Variants in RUFY1 observed in about 807,000 individuals in gnomAD.
RUFY1 encodes the protein RUN and FYVE domain-containing protein 1.
Under a neutral mutation model 94.6 loss-of-function variants are expected in RUFY1, and 54 were observed. That is an observed-to-expected ratio of 0.57 (90% CI 0.46 to 0.72). The LOEUF (loss-of-function observed/expected upper bound fraction) is 0.72, where lower values mean the gene tolerates loss of function less well. Among genes scored for constraint, RUFY1 ranks in the 30% least tolerant of loss-of-function variants. The pLI is 0.00. For missense variants in RUFY1, 883 were observed against 883.9 expected (o/e 1.00, Z 0.01); for synonymous variants, 396 against 347.3 (o/e 1.14, Z -1.56).
At chr5:179,572,598 G>C in intron 5 of RUFY1, 1 of 226,748 alleles carries the variant, frequency 4.4e-6, no homozygotes, top group East Asian at 1.2e-4. Context: ...CCTCTGGGGT[G>C]CTCCATGGAT....
At chr5:179,565,606 G>C (rs202063174) in intron 3 of RUFY1, among the ~76,000 whole-genome samples, 1 of 56,116 alleles carries the variant, frequency 1.8e-5, no homozygotes, top group African/African-American at 5.6e-5. Context: ...AAATCTCTTT[G>C]TGTATCGAAT....
intron 9 of RUFY1, 73 bp downstream of exon 9, chr5:179,589,720 G>T: frequency 8.7e-7 from 1 of 1,150,246 alleles, no homozygotes. Context: ...CAAGCTCATG[G>T]CTTAACAACA....
intron 5 of RUFY1, among the ~76,000 whole-genome samples, chr5:179,571,486 A>G (rs1763220124): frequency 6.7e-6 from 1 of 149,806 alleles, no homozygotes; most frequent in Non-Finnish European, 1.5e-5. Flanking sequence ...TCTGGGCAAC[A>G]GAGCCAGACT....
intron 14 of RUFY1, chr5:179,600,064 G>C (rs926807880): frequency 6.6e-6 from 1 of 152,208 alleles, no homozygotes; most frequent in Non-Finnish European, 1.5e-5. Context: ...GCCTCATCAC[G>C]GGGCATACCT....
At chr5:179,602,389 G>A in intron 15 of RUFY1, 1 of 170,524 alleles carries the variant, frequency 5.9e-6, no homozygotes. Flanking sequence ...GCCTTGCACA[G>A]CACAGCCCCC....
chr5:179,609,342 G>T (rs376704432), intron 17 of RUFY1, 34 bp from the exon 18 acceptor site: 5 of 1,605,604 alleles, frequency 3.1e-6, no homozygotes, highest in Non-Finnish European at 4.3e-6. Flanking sequence ...CTTTTCCCCG[G>T]GTGTCCTGTG....
intron 15 of RUFY1, among the ~76,000 whole-genome samples, chr5:179,604,983 CAAA>C (rs199950744): frequency 8.1e-6 from 1 of 123,354 alleles, no homozygotes; most frequent in Non-Finnish European, 1.7e-5. Flanking sequence ...GACTCCATCT[CAAA>C]AAAAAAAAAG....
At chr5:179,601,817 CAAAAAAAAAAAAAA>C (rs56169514) in intron 14 of RUFY1, 61 bp from the exon 15 acceptor site, 429 of 519,234 alleles carry the variant, frequency 8.3e-4, no homozygotes, top group Middle Eastern at 2.6e-3. Flanking sequence ...GACCCTGTCT[CAAAAAAAAAAAAAA>C]AAAAAAAAAA....
At chr5:179,576,827 AAAACT>A (rs869220986) in intron 5 of RUFY1, among the ~76,000 whole-genome samples, 26 of 152,278 alleles carry the variant, frequency 1.7e-4, no homozygotes, top group African/African-American at 5.1e-4. Context: ...GAATAAACAG[AAAACT>A]AAACTAGGTC....
At position 179,609,500 on chromosome 5, in the gene RUFY1, G is replaced by T. The variant is rs1767504701; in HGVS notation, c.2108G>T (p.Cys703Phe). 1.2e-6 allele frequency: 2 copies of T among 1,606,246 alleles called. No homozygotes were observed. Among genetic ancestry groups the T allele is most frequent in the Non-Finnish European group, 1.7e-6 (2 of 1,178,722 alleles). Residue 703 changes from cysteine to phenylalanine, a missense_variant, in exon 18 of 18, where the codon TGC (cysteine) becomes TTC (phenylalanine). Cys to Phe is a radical substitution (Grantham distance 205, BLOSUM62 -2). Transcript: ENST00000319449. ...DSCHTLLLQRCSSTAS is the reference protein window; with the variant it reads ...DSCHTLLLQRFSSTAS ...TGCCACACCCTGCTCCTGCAGCGCT[G>T]CTCCTCCACGGCCTCCTGAACGTCC... is the stretch of plus-strand genomic sequence containing the variant.
intron 6 of RUFY1, among the ~76,000 whole-genome samples, chr5:179,577,469 C>A (rs1763714811): frequency 6.6e-6 from 1 of 151,470 alleles, no homozygotes; most frequent in South Asian, 2.1e-4. Flanking sequence ...CCAGCCACGT[C>A]ACATTTTTAA....
chr5:179,553,817 A>G (rs1761977442), intron 1 of RUFY1, among the ~76,000 whole-genome samples: 1 of 152,162 alleles, frequency 6.6e-6, no homozygotes, highest in African/African-American at 2.4e-5. Context: ...AATTTAAGGA[A>G]AGTATTAATA....
At chr5:179,605,487 A>G (rs6894268) in intron 15 of RUFY1, among the ~76,000 whole-genome samples, 95,851 of 152,130 alleles carry the variant, frequency 0.63, 30,574 homozygotes, top group East Asian at 0.81. Context: ...AGCAGAATGG[A>G]GGCCGGGGAG....
At chr5:179,563,834 G>A (rs1762622165) in intron 3 of RUFY1, among the ~76,000 whole-genome samples, 1 of 152,106 alleles carries the variant, frequency 6.6e-6, no homozygotes, top group African/African-American at 2.4e-5. Context: ...ACCACACCCA[G>A]TTAATTTTTG....
rs145288550 is a variant in RUFY1, at chr5:179,600,371, C to G, written c.1762-1521C>G. Among the ~76,000 whole-genome samples, 7 of 152,308 alleles carry G rather than the reference C, an allele frequency of 4.6e-5. No individual in the cohort carries two copies. In the East Asian group the frequency reaches 1.4e-3, roughly 29 times the overall value. On this transcript the variant is annotated intron_variant, in intron 14 of 17. Transcript: ENST00000319449. ...GGTGCACTGGCCCCAGGTGTCAGTG[C>G]CGTTGCCCCCTGGGGAACTCCCTCC... is the stretch of plus-strand genomic sequence containing the variant.
Position 179,594,846 on chromosome 5 carries a change from C to T in RUFY1, c.1414-20C>T, listed in dbSNP as rs779726094. 2 of 1,546,804 alleles carry T rather than the reference C, an allele frequency of 1.3e-6. No homozygotes were observed. Among genetic ancestry groups the T allele is most frequent in the South Asian group, 1.1e-5 (1 of 89,652 alleles). ...GGATGTGGGACAGGCAGAGTATGAA[C>T]CCTTCCTTTGCTTTTGTAGAATGCA... On this transcript the variant is annotated intron_variant, in intron 11 of 17. Transcript: ENST00000319449.
chr5:179,591,288 C>T (rs1398084884), intron 9 of RUFY1, among the ~76,000 whole-genome samples: 2 of 151,608 alleles, frequency 1.3e-5, no homozygotes, highest in African/African-American at 4.8e-5. Flanking sequence ...GGGTTCACGC[C>T]ATTCTCCTGC....
intron 8 of RUFY1, among the ~76,000 whole-genome samples, chr5:179,586,666 C>T (rs1012575812): frequency 1.3e-5 from 2 of 152,146 alleles, no homozygotes; most frequent in African/African-American, 4.8e-5. Flanking sequence ...GGCGCCAGCC[C>T]TGAAAGGCCT....
intron 10 of RUFY1, among the ~76,000 whole-genome samples, chr5:179,592,013 T>C (rs1000190325): frequency 4.6e-5 from 7 of 152,224 alleles, no homozygotes; most frequent in African/African-American, 1.4e-4. Context: ...TGGCGCGATC[T>C]TGGCCCACTG....
Sources: allele counts gnomAD v4.1 joint callset (sites outside exome capture counted in the v4.1 genomes callset), GRCh38; gene constraint gnomAD v4.1.1; transcripts MANE v1.5; gene names NCBI Gene and HGNC (gene_info 2026-07-23, HGNC 2026-07-21).